Variants in LHFPL2 observed in about 807,000 individuals in gnomAD.
LHFPL2 encodes the protein LHFPL tetraspan subfamily member 2 protein.
LHFPL2 carries 7 observed loss-of-function variants against 17.5 expected under a neutral mutation model. That is an observed-to-expected ratio of 0.40 (90% confidence interval 0.23 to 0.75). The LOEUF (loss-of-function observed/expected upper bound fraction) is 0.75, where lower values mean the gene tolerates loss of function less well. LHFPL2 is among the 30% of genes least tolerant of loss of function. LHFPL2 has a pLI of 0.37. For synonymous variants in LHFPL2, 134 were observed against 116.2 expected (o/e 1.15, Z -0.99); for missense variants, 241 against 294.8 (o/e 0.82, Z 1.34).
chr5:78,531,284 G>T (rs1207909883), intron 3 of LHFPL2, among the ~76,000 whole-genome samples: 5 of 151,908 alleles, frequency 3.3e-5, no homozygotes, highest in African/African-American at 7.3e-5. Flanking sequence ...GCATGGTGGT[G>T]CATGCCAGTA....
chr5:78,502,436 C>CT (rs1179923086), intron 4 of LHFPL2, among the ~76,000 whole-genome samples: 1 of 152,208 alleles, frequency 6.6e-6, no homozygotes, highest in Non-Finnish European at 1.5e-5. Flanking sequence ...TCTCAACAGA[C>CT]TAACCTAGCC....
In LHFPL2 at chr5:78,590,946, G is replaced by A. The variant is rs1372720371; in HGVS notation, c.-244-26075C>T. ...TGACCCTTTATACCTGGGGGTTTGT[G>A]ACATTTCTGAGAAAATCAAACTGTT... On this transcript the variant is annotated intron_variant, in intron 2 of 4. Coordinates refer to ENST00000380345, the MANE Select transcript of LHFPL2 (RefSeq NM_005779.3). 2.0e-5 allele frequency among the ~76,000 whole-genome samples: 3 copies of A among 152,144 alleles called. No homozygotes were observed. The East Asian group carries it at 5.8e-4, about 29-fold the overall frequency.
intron 2 of LHFPL2, among the ~76,000 whole-genome samples, chr5:78,596,517 T>C (rs888210165): frequency 6.6e-6 from 1 of 152,218 alleles, no homozygotes; most frequent in Non-Finnish European, 1.5e-5. Context: ...TTCTAAGACA[T>C]ACCTAATGTG....
chr5:78,544,068 C>T (rs1237967712), intron 3 of LHFPL2, among the ~76,000 whole-genome samples: 1 of 152,202 alleles, frequency 6.6e-6, no homozygotes, highest in African/African-American at 2.4e-5. Flanking sequence ...AGGACAATCA[C>T]TGACCACCCA....
chr5:78,600,355 T>C (rs1397736010), intron 2 of LHFPL2, among the ~76,000 whole-genome samples: 1 of 151,158 alleles, frequency 6.6e-6, no homozygotes, highest in Non-Finnish European at 1.5e-5. Context: ...TTACAGGTGA[T>C]TAAAAAAAAA....
intron 3 of LHFPL2, among the ~76,000 whole-genome samples, chr5:78,559,081 T>C (rs1203028878): frequency 6.6e-6 from 1 of 152,238 alleles, no homozygotes; most frequent in Admixed American, 6.5e-5. Context: ...ACTTCCCTTT[T>C]AGTCCTCATC....
chr5:78,569,658 C>T lies in LHFPL2; in HGVS notation c.-244-4787G>A, dbSNP rs532874247. Reference sequence around the variant, plus strand: ...CGAGTTTCATGAACCGTCTACCAAGCACAGAAAGTGGCAGCTTGCCAAAGG... The same window carrying T: ...CGAGTTTCATGAACCGTCTACCAAGTACAGAAAGTGGCAGCTTGCCAAAGG... On this transcript the variant is annotated intron_variant, in intron 2 of 4. Coordinates refer to ENST00000380345, the MANE Select transcript of LHFPL2 (RefSeq NM_005779.3). Among the ~76,000 whole-genome samples, 5 of 152,248 alleles carry T rather than the reference C, an allele frequency of 3.3e-5. No individual in the cohort carries two copies. In the South Asian group the frequency reaches 1.0e-3, roughly 32 times the overall value.
chr5:78,546,674 G>A lies in LHFPL2; in HGVS notation c.-186+18139C>T, dbSNP rs142026503. 2.6e-4 allele frequency among the ~76,000 whole-genome samples: 39 copies of A among 152,284 alleles called. No individual in the cohort carries two copies. In the East Asian group the frequency reaches 7.3e-3, roughly 29 times the overall value. Reference sequence around the variant, plus strand: ...TCACCTGCACATATGACTAGAACTGGCCTCCTGTCTCCTTGCTACTTAGAG... The same window carrying A: ...TCACCTGCACATATGACTAGAACTGACCTCCTGTCTCCTTGCTACTTAGAG... On this transcript the variant is annotated intron_variant, in intron 3 of 4. Transcript: ENST00000380345.
intron 2 of LHFPL2, among the ~76,000 whole-genome samples, chr5:78,606,039 C>T (rs2112479326): frequency 6.6e-6 from 1 of 152,332 alleles, no homozygotes; most frequent in South Asian, 2.1e-4. Flanking sequence ...TACAAAAATT[C>T]TGTGCTCCTA....
chr5:78,585,378 C>T (rs913971142), intron 2 of LHFPL2, among the ~76,000 whole-genome samples: 8 of 151,524 alleles, frequency 5.3e-5, no homozygotes, highest in Admixed American at 4.6e-4. Flanking sequence ...TTCCAGGTGC[C>T]GTCTGTCACC....
chr5:78,608,387 G>A (rs933164515), intron 2 of LHFPL2, among the ~76,000 whole-genome samples: 4 of 152,136 alleles, frequency 2.6e-5, no homozygotes, highest in African/African-American at 9.7e-5. Flanking sequence ...GCCCAAAATG[G>A]AGACTAATAA....
chr5:78,604,343 G>C (rs930207223), intron 2 of LHFPL2, among the ~76,000 whole-genome samples: 1 of 152,048 alleles, frequency 6.6e-6, no homozygotes, highest in Non-Finnish European at 1.5e-5. Context: ...TGGGCGTGGT[G>C]GTGGGCGCCT....
At chr5:78,641,398 T>G (rs1424555469) in intron 1 of LHFPL2, among the ~76,000 whole-genome samples, 1 of 152,252 alleles carries the variant, frequency 6.6e-6, no homozygotes, top group East Asian at 1.9e-4. Flanking sequence ...TTTCTACTGC[T>G]GATGTCACCT....
intron 3 of LHFPL2, among the ~76,000 whole-genome samples, chr5:78,535,206 T>C (rs537930793): frequency 6.6e-6 from 1 of 152,170 alleles, no homozygotes; most frequent in African/African-American, 2.4e-5. Context: ...AGCAGGCCAT[T>C]TGCCGAGGGG....
intron 2 of LHFPL2, among the ~76,000 whole-genome samples, chr5:78,567,495 T>C (rs1470478636): frequency 6.6e-6 from 1 of 152,176 alleles, no homozygotes; most frequent in Non-Finnish European, 1.5e-5. Context: ...ATTAGAACAG[T>C]GTCTTTATTT....
intron 3 of LHFPL2, among the ~76,000 whole-genome samples, chr5:78,537,216 G>A (rs898633623): frequency 8.5e-5 from 13 of 152,198 alleles, no homozygotes; most frequent in African/African-American, 2.2e-4. Flanking sequence ...GGCCACTGAA[G>A]CTTTCTCCGA....
At chr5:78,601,737 G>A (rs1744022383) in intron 2 of LHFPL2, among the ~76,000 whole-genome samples, 1 of 152,192 alleles carries the variant, frequency 6.6e-6, no homozygotes, top group South Asian at 2.1e-4. Flanking sequence ...GCTGCAGAAA[G>A]AAGAGAAGCC....
At chr5:78,584,250 A>T (rs1041044821) in intron 2 of LHFPL2, among the ~76,000 whole-genome samples, 3 of 152,110 alleles carry the variant, frequency 2.0e-5, no homozygotes, top group African/African-American at 7.2e-5. Context: ...AGCTCGGAGT[A>T]ATTTGATCAT....
intron 4 of LHFPL2, among the ~76,000 whole-genome samples, chr5:78,502,601 C>T (rs1754807210): frequency 6.6e-6 from 1 of 152,188 alleles, no homozygotes; most frequent in Middle Eastern, 3.2e-3. Flanking sequence ...AAAGACAGAG[C>T]TCCTGCTCGA....
Sources: allele counts gnomAD v4.1 joint callset (sites outside exome capture counted in the v4.1 genomes callset), GRCh38; gene constraint gnomAD v4.1.1; transcripts MANE v1.5; gene names NCBI Gene and HGNC (gene_info 2026-07-23, HGNC 2026-07-21).